Variants in UNK observed in about 807,000 individuals in gnomAD.
UNK encodes the protein RING finger protein unkempt homolog.
Under a neutral mutation model 97.6 loss-of-function variants are expected in UNK, and 32 were observed. The observed-to-expected ratio is 0.33, with a 90% CI of 0.25 to 0.44. The LOEUF is 0.44. UNK is among the 20% of genes least tolerant of loss of function. The pLI is 1.00. For synonymous variants in UNK, 441 were observed against 461.2 expected (o/e 0.96, Z 0.56); for missense variants, 771 against 1,098.4 (o/e 0.70, Z 4.21).
chr17:75,795,941 C>G (rs542316956), intron 1 of UNK, among the ~76,000 whole-genome samples: 5 of 152,176 alleles, frequency 3.3e-5, no homozygotes, highest in Admixed American at 2.6e-4. Context: ...AAATAATTGC[C>G]AGTGATTGGC....
At position 75,819,816 on chromosome 17, in the gene UNK, G is replaced by C; in HGVS notation, c.1648+31G>C. On this transcript the variant is annotated intron_variant, in intron 12 of 15. Transcript: ENST00000589666. This position sits in a 1 kb window ranked among gnomAD's most constrained non-coding sequence, Gnocchi z 5.4. Reference sequence around the variant, plus strand: ...GGGTGTGGGTGGGCAGGGCAGCCTGGAGGACTCCTCGGGTTCCTGCCTGGC... The same window carrying C: ...GGGTGTGGGTGGGCAGGGCAGCCTGCAGGACTCCTCGGGTTCCTGCCTGGC... The C allele has an allele frequency of 1.2e-6, 2 of 1,612,988 alleles. No individual in the cohort carries two copies.
chr17:75,793,301 C>G, intron 1 of UNK: 1 of 512,376 alleles, frequency 2.0e-6, no homozygotes, highest in Non-Finnish European at 2.5e-6. Context: ...TTTACATGGG[C>G]ATTTCTTTAA....
intron 2 of UNK, 100 bp downstream of exon 2, chr17:75,810,069 C>A: frequency 7.0e-7 from 1 of 1,429,836 alleles, no homozygotes; most frequent in Admixed American, 1.9e-5. Context: ...ATCCAGAGGA[C>A]TGGTTGCAGC....
At chr17:75,810,087 A>G in intron 2 of UNK, 118 bp downstream of exon 2, 6 of 1,279,426 alleles carry the variant, frequency 4.7e-6, no homozygotes, top group East Asian at 2.5e-5. Context: ...AGCCCAGCCC[A>G]TGGCCCGAGC....
Position 75,812,098 on chromosome 17 carries a change from C to T in UNK, c.315-14C>T. 6.3e-7 allele frequency: 1 copy of T among 1,584,332 alleles called. No individual in the cohort carries two copies. The highest frequency in any genetic ancestry group is 1.1e-5 in the South Asian group (1 of 87,084). ...AGGCAGCAAAGTTGAGTGACCCCCACTACCGTGTTCCAGGTGCCCATTCCT... is the reference window on the plus strand; with the variant it reads ...AGGCAGCAAAGTTGAGTGACCCCCATTACCGTGTTCCAGGTGCCCATTCCT... On this transcript the variant is annotated splice_polypyrimidine_tract_variant and intron_variant, in intron 2 of 15. Transcript: ENST00000589666.
chr17:75,801,847 C>A (rs1401415273), intron 1 of UNK, among the ~76,000 whole-genome samples: 2 of 148,988 alleles, frequency 1.3e-5, no homozygotes, highest in Non-Finnish European at 3.0e-5. Flanking sequence ...CCGGCTCCCC[C>A]CAGCCTTTTT....
chr17:75,816,926 C>T lies in UNK; in HGVS notation c.1104+14C>T. ...GACCTCAGTGCCGTACGTGTCCATCCTGGGGAGTGGGTGGGCACCATGCCT... is the reference window on the plus strand; with the variant it reads ...GACCTCAGTGCCGTACGTGTCCATCTTGGGGAGTGGGTGGGCACCATGCCT... On this transcript the variant is annotated intron_variant, in intron 8 of 15. Transcript: ENST00000589666. This position sits in a 1 kb window ranked among gnomAD's most constrained non-coding sequence, Gnocchi z 4.0. 1.9e-6 allele frequency: 3 copies of T among 1,595,476 alleles called. No homozygotes were observed. Among genetic ancestry groups the T allele is most frequent in the Non-Finnish European group, 2.6e-6 (3 of 1,176,036 alleles).
intron 1 of UNK, among the ~76,000 whole-genome samples, chr17:75,796,320 C>CTTT (rs67667491): frequency 2.9e-5 from 4 of 137,344 alleles, no homozygotes; most frequent in African/African-American, 8.1e-5. Context: ...ATATTTAAAG[C>CTTT]TTTTTTTTTT....
At chr17:75,821,889 C>T (rs1467579448) in intron 13 of UNK, 23 of 359,824 alleles carry the variant, frequency 6.4e-5, no homozygotes, top group South Asian at 3.7e-4. Flanking sequence ...TTTGGAACCA[C>T]ACTCCCTGTC....
chr17:75,822,803 C>T lies in UNK; in HGVS notation c.2019+145C>T, dbSNP rs954197435. 2.8e-6 allele frequency: 3 copies of T among 1,086,706 alleles called. No homozygotes were observed. In the African/African-American group the frequency reaches 4.9e-5, roughly 18 times the overall value. 67.3% of individuals were successfully genotyped at this position (1,086,706 alleles called of 1,614,324 possible). On this transcript the variant is annotated intron_variant, in intron 14 of 15. Transcript: ENST00000589666. ...CTCAGTTTTGTTCGCTCGCTCTCCC[C>T]CTGGGAGGACTCGCTTTGCCAGTCA...
chr17:75,812,986 A>C, intron 4 of UNK, 92 bp from the exon 5 acceptor site: 1 of 1,456,954 alleles, frequency 6.9e-7, no homozygotes, highest in Non-Finnish European at 9.1e-7. Flanking sequence ...ACTCCTTCCC[A>C]GTGGCTTCTC....
At chr17:75,785,846 C>T (rs1356807166) in intron 1 of UNK, 1 of 151,952 alleles carries the variant, frequency 6.6e-6, no homozygotes, top group Non-Finnish European at 1.5e-5. Flanking sequence ...TCCATTTTCC[C>T]TGATGCTCTG....
At chr17:75,808,285 C>T (rs1489032664) in intron 1 of UNK, among the ~76,000 whole-genome samples, 20 of 152,164 alleles carry the variant, frequency 1.3e-4, no homozygotes, top group Non-Finnish European at 1.5e-5. Flanking sequence ...AGAACCTTTG[C>T]TTCAAATGCC....
chr17:75,788,729 A>T (rs554820762), intron 1 of UNK, among the ~76,000 whole-genome samples: 1 of 149,150 alleles, frequency 6.7e-6, no homozygotes, highest in East Asian at 2.0e-4. Context: ...AAGAGACAGG[A>T]TCTTGCTCTG....
At chr17:75,812,057 G>C in intron 2 of UNK, 55 bp from the exon 3 acceptor site, 1 of 1,526,140 alleles carries the variant, frequency 6.6e-7, no homozygotes, top group Non-Finnish European at 8.8e-7. Context: ...GGGGTAGGCA[G>C]GGAAGCCTAG....
intron 2 of UNK, 41 bp from the exon 3 acceptor site, chr17:75,812,071 G>T: frequency 6.5e-7 from 1 of 1,548,524 alleles, no homozygotes; most frequent in African/African-American, 1.4e-5. Flanking sequence ...AGCCTAGGCT[G>T]CAGGCAGCAA....
At chr17:75,811,445 C>T (rs1033271893) in intron 2 of UNK, among the ~76,000 whole-genome samples, 2 of 152,174 alleles carry the variant, frequency 1.3e-5, no homozygotes, top group Non-Finnish European at 2.9e-5. Context: ...GCTGACCCTA[C>T]CCCTAGCCTA....
At chr17:75,815,058 G>A (rs1011034624) in intron 6 of UNK, 111 bp from the exon 7 acceptor site, 14 of 938,678 alleles carry the variant, frequency 1.5e-5, no homozygotes, top group Non-Finnish European at 2.3e-5. Flanking sequence ...GGAGGGGCCG[G>A]GAACACAGGG....
In UNK at chr17:75,824,548, ATTTCCGTATG is replaced by A; in HGVS notation, c.*133_*142del. 1.4e-6 allele frequency: 1 copy of A among 715,020 alleles called. No individual in the cohort carries two copies. The highest frequency in any genetic ancestry group is 1.8e-6 in the Non-Finnish European group (1 of 551,110). The allele number at this position is 715,020 out of a possible 1,614,324, so 44.3% of individuals were successfully genotyped here. A position where few individuals can be genotyped will look rare whatever the true frequency, so the allele number is the denominator to read the frequency against. ...TGTATATGATTATGTATATGTATAC[ATTTCCGTATG>A]TATGTATATGTATACATTTCCGTAT... is the stretch of plus-strand genomic sequence containing the variant. On this transcript the variant is annotated 3_prime_UTR_variant, in exon 16 of 16. Transcript: ENST00000589666. This position sits in a 1 kb window ranked among gnomAD's most constrained non-coding sequence, Gnocchi z 4.9.
Sources: gnomAD v4.1 joint callset for allele counts (sites outside exome capture counted in the v4.1 genomes callset) on GRCh38, gnomAD v4.1.1 for gene constraint, Gnocchi (gnomAD v3.1) non-coding constraint, MANE v1.5 for transcripts, NCBI Gene and HGNC (gene_info 2026-07-23, HGNC 2026-07-21) for gene names.